DMD: variants seen among roughly 807,000 people sequenced by gnomAD.
DMD encodes mutant dystrophin.
A neutral mutation model predicts 330.1 loss-of-function variants in DMD; 63 were observed. That is an observed-to-expected ratio of 0.19 (90% CI 0.16 to 0.24). The LOEUF (loss-of-function observed/expected upper bound fraction) is 0.24. DMD is among the 10% of genes least tolerant of loss of function. DMD has a pLI of 1.00. For missense variants in DMD, 3,344 were observed against 2,684.1 expected (o/e 1.25, Z -5.43); for synonymous variants, 1,223 against 959.8 (o/e 1.27, Z -5.07).
intron 4 of DMD, among the ~76,000 whole-genome samples, chrX:32,840,496 G>A (rs1272937558): frequency 9.0e-6 from 1 of 111,135 alleles, no homozygotes; most frequent in Non-Finnish European, 1.9e-5. Context: ...TGTACAACTT[G>A]ATGCGTTTTC....
chrX:32,676,764 T>C (rs1209001256), intron 9 of DMD, among the ~76,000 whole-genome samples: 5 of 111,576 alleles, frequency 4.5e-5, no homozygotes, highest in African/African-American at 1.3e-4. Flanking sequence ...CAAACACATA[T>C]GTATTGAGGT....
intron 1 of DMD, among the ~76,000 whole-genome samples, chrX:33,184,701 A>G (rs1312821358): frequency 9.6e-6 from 1 of 103,852 alleles, no homozygotes; most frequent in African/African-American, 3.5e-5. Context: ...GATAAATTGC[A>G]AGGATTTATT....
chrX:31,410,731 T>TTA (rs200939018), intron 60 of DMD, among the ~76,000 whole-genome samples: 3,350 of 106,843 alleles, frequency 0.031, 140 homozygotes, highest in African/African-American at 0.11. Flanking sequence ...CAATCGATAA[T>TTA]TATATATATA....
intron 59 of DMD, among the ~76,000 whole-genome samples, chrX:31,465,748 A>T (rs907262018): frequency 9.0e-6 from 1 of 111,633 alleles, no homozygotes; most frequent in Non-Finnish European, 1.9e-5. Context: ...ATCAAATGGT[A>T]CTTCTGGTTC....
chrX:32,506,826 G>C (rs2044676485), intron 18 of DMD, among the ~76,000 whole-genome samples: 2 of 111,764 alleles, frequency 1.8e-5, no homozygotes, highest in African/African-American at 6.5e-5. Flanking sequence ...GTATTGAATT[G>C]TTTCCAGGAA....
chrX:32,816,085 A>G (rs1446164267), intron 6 of DMD, among the ~76,000 whole-genome samples: 1 of 111,419 alleles, frequency 9.0e-6, no homozygotes, highest in Non-Finnish European at 1.9e-5. Context: ...GAGATCTAGT[A>G]TCATTTTTAC....
chrX:31,900,520 C>CATTAAACCT (rs1338279490), intron 47 of DMD, among the ~76,000 whole-genome samples: 1 of 111,459 alleles, frequency 9.0e-6, no homozygotes, highest in Non-Finnish European at 1.9e-5. Flanking sequence ...ACCGTAAGTC[C>CATTAAACCT]ATTAAACCTC....
At chrX:32,524,920 TGAG>T (rs1048153446) in intron 17 of DMD, among the ~76,000 whole-genome samples, 1 of 112,135 alleles carries the variant, frequency 8.9e-6, no homozygotes, top group Admixed American at 9.4e-5. Flanking sequence ...AGGGCAGTGG[TGAG>T]GAGAGCGTTT....
chrX:31,416,271 T>C (rs1228384523), intron 60 of DMD, among the ~76,000 whole-genome samples: 2 of 112,276 alleles, frequency 1.8e-5, no homozygotes, highest in Admixed American at 9.5e-5. Context: ...ATGCATGTAA[T>C]AGATATCGCA....
chrX:32,703,692 G>A (rs1014249715), intron 7 of DMD, among the ~76,000 whole-genome samples: 1 of 111,298 alleles, frequency 9.0e-6, no homozygotes, highest in Non-Finnish European at 1.9e-5. Context: ...GATCACCTAA[G>A]TATTTGTTAA....
chrX:31,662,293 G>T (rs1233938828), intron 53 of DMD, among the ~76,000 whole-genome samples: 1 of 111,534 alleles, frequency 9.0e-6, no homozygotes. Flanking sequence ...ATCATCATCA[G>T]CATCAGCATC....
intron 55 of DMD, among the ~76,000 whole-genome samples, chrX:31,621,550 G>A (rs2078531928): frequency 9.0e-6 from 1 of 111,697 alleles, no homozygotes; most frequent in South Asian, 3.8e-4. Flanking sequence ...CACTTACTGA[G>A]CCCTTCGAGT....
At chrX:31,131,906 C>A (rs963361115) in intron 77 of DMD, among the ~76,000 whole-genome samples, 1 of 111,856 alleles carries the variant, frequency 8.9e-6, no homozygotes, top group Non-Finnish European at 1.9e-5. Context: ...AGTAGCAAAA[C>A]GTGAGGAAAT....
intron 7 of DMD, 149 bp from the exon 8 acceptor site, chrX:32,699,442 G>A: frequency 3.9e-6 from 2 of 512,378 alleles, no homozygotes; most frequent in Non-Finnish European, 3.4e-6. Flanking sequence ...ATTAGAACAT[G>A]AGAATGAGGC....
chrX:33,038,490 CCG>C (rs927521404), intron 1 of DMD, among the ~76,000 whole-genome samples: 5 of 111,367 alleles, frequency 4.5e-5, no homozygotes, highest in Non-Finnish European at 9.4e-5. Context: ...GTTGTTTGCC[CCG>C]GAGCCCGGCA....
chrX:32,971,029 T>C (rs1238408244), intron 2 of DMD, among the ~76,000 whole-genome samples: 1 of 110,592 alleles, frequency 9.0e-6, no homozygotes, highest in South Asian at 3.9e-4. Flanking sequence ...TGGCGCAATT[T>C]CGGCTCATGG....
chrX:31,538,448 T>C, intron 55 of DMD, among the ~76,000 whole-genome samples: 1 of 112,367 alleles, frequency 8.9e-6, no homozygotes, highest in East Asian at 2.8e-4. Flanking sequence ...CTTTATTTAT[T>C]GATGTGTCTC....
chrX:32,252,649 A>T (rs868436123), intron 43 of DMD, among the ~76,000 whole-genome samples: 1 of 50,393 alleles, frequency 2.0e-5, no homozygotes, highest in East Asian at 1.6e-3. Flanking sequence ...AATATATATA[A>T]ATACAAATAT....
intron 57 of DMD, among the ~76,000 whole-genome samples, chrX:31,491,650 G>A (rs1318033052): frequency 9.0e-6 from 1 of 111,559 alleles, no homozygotes; most frequent in Non-Finnish European, 1.9e-5. Context: ...AGCTGGTTTG[G>A]GGAGCACAGA....
Sources: allele counts gnomAD v4.1 joint callset (sites outside exome capture counted in the v4.1 genomes callset), GRCh38; gene constraint gnomAD v4.1.1; transcripts MANE v1.5; gene names NCBI Gene and HGNC (gene_info 2026-07-23, HGNC 2026-07-21).